The following F13A1 variants were observed in gnomAD, a reference collection of about 807,000 sequenced individuals.
The protein encoded by F13A1 is FSF, A subunit.
In F13A1, 47 loss-of-function variants were observed where a neutral mutation model predicts 80.1. The ratio of observed to expected loss-of-function variants is 0.59; its 90% CI spans 0.46 to 0.75. The LOEUF is 0.75. F13A1 is among the 30% of genes least tolerant of loss of function. The pLI, the probability that F13A1 is intolerant of heterozygous loss-of-function variation, is 0.00. For missense variants in F13A1, 817 were observed against 930.4 expected (o/e 0.88, Z 1.59); for synonymous variants, 349 against 344.9 (o/e 1.01, Z -0.13).
Position 6,195,861 on chromosome 6 carries a change from G to A in F13A1, c.1241C>T (p.Ser414Leu), listed in dbSNP as rs1396702202. 14 of 1,614,020 alleles carry A rather than the reference G, an allele frequency of 8.7e-6. No homozygotes were observed. The highest frequency in any genetic ancestry group is 5.3e-5 in the African/African-American group (4 of 74,910). ...SDGMYRCGPASVQAIKHGHVC... is the reference protein window; with the variant it reads ...SDGMYRCGPALVQAIKHGHVC... ...ATGGCCGTGCTTGATGGCTTGAACCGAGGCGGGGCCACACCGATACATGCC... is the reference window on the plus strand; with the variant it reads ...ATGGCCGTGCTTGATGGCTTGAACCAAGGCGGGGCCACACCGATACATGCC... Residue 414 changes from serine (S) to leucine (L), a missense_variant, in exon 10 of 15, where the codon TCG becomes TTG. Ser to Leu is a moderately radical substitution (Grantham distance 145). Transcript: ENST00000264870.
intron 3 of F13A1, among the ~76,000 whole-genome samples, chr6:6,297,344 C>T (rs2113168593): frequency 6.6e-6 from 1 of 151,720 alleles, no homozygotes; most frequent in Admixed American, 6.5e-5. Context: ...CCTTGTACCT[C>T]TGGTAGAATT....
chr6:6,219,837 G>A (rs1006184868), intron 8 of F13A1, among the ~76,000 whole-genome samples: 26 of 152,276 alleles, frequency 1.7e-4, no homozygotes, highest in African/African-American at 6.0e-4. Flanking sequence ...TTTTCTGACC[G>A]CTTTGATGTA....
intron 8 of F13A1, among the ~76,000 whole-genome samples, chr6:6,211,802 C>CA (rs1761617742): frequency 6.6e-6 from 1 of 152,156 alleles, no homozygotes; most frequent in African/African-American, 2.4e-5. Context: ...AGACAGTGGG[C>CA]GCAGGTTAGT....
intron 3 of F13A1, among the ~76,000 whole-genome samples, chr6:6,271,323 A>T (rs1313877647): frequency 2.0e-5 from 3 of 152,160 alleles, no homozygotes; most frequent in Non-Finnish European, 2.9e-5. Context: ...ATTTCACTAA[A>T]TAGCCCTTCT....
At chr6:6,267,266 A>G (rs1009528429) in intron 3 of F13A1, among the ~76,000 whole-genome samples, 4 of 152,252 alleles carry the variant, frequency 2.6e-5, no homozygotes, top group African/African-American at 7.2e-5. Context: ...ACACTTTGCT[A>G]TTAGGGATAT....
chr6:6,248,358 G>T lies in F13A1; in HGVS notation c.752C>A (p.Ser251Tyr), dbSNP rs751510437. The T allele has an allele frequency of 6.2e-7, 1 of 1,613,820 alleles. No homozygotes were observed. Among genetic ancestry groups the T allele is most frequent in the Non-Finnish European group, 8.5e-7 (1 of 1,179,888 alleles). Residue 251 changes from serine (S) to tyrosine (Y), a missense_variant, in exon 6 of 15, where the codon TCT (serine) becomes TAT (tyrosine). Transcript: ENST00000264870. ...GACTTTGATGGGATTCCCTCTTCCA[G>T]AGAGGTCCATTTGTGCTCTGTCCAT... ...YVMDRAQMDL[S>Y]GRGNPIKVSR...
intron 1 of F13A1, among the ~76,000 whole-genome samples, chr6:6,320,010 C>T (rs951142870): frequency 5.3e-5 from 8 of 152,142 alleles, no homozygotes; most frequent in Admixed American, 5.2e-4. Context: ...GGCGCGCTGT[C>T]GGGAGACACA....
intron 8 of F13A1, among the ~76,000 whole-genome samples, chr6:6,204,279 T>C (rs554492224): frequency 3.0e-4 from 46 of 152,374 alleles, no homozygotes; most frequent in African/African-American, 1.1e-3. Flanking sequence ...GAAAGAGATA[T>C]GGGCTTGTAA....
At chr6:6,172,160 G>T (rs1760786337) in intron 12 of F13A1, among the ~76,000 whole-genome samples, 1 of 152,130 alleles carries the variant, frequency 6.6e-6, no homozygotes, top group Non-Finnish European at 1.5e-5. Context: ...AGAACCCCGG[G>T]GTGTGTGTGC....
chr6:6,239,596 G>A (rs567971164), intron 6 of F13A1, among the ~76,000 whole-genome samples: 1 of 152,092 alleles, frequency 6.6e-6, no homozygotes, highest in South Asian at 2.1e-4. Flanking sequence ...CATTTTTCAT[G>A]ATAACTATGA....
rs141047995 is a variant in F13A1, at chr6:6,315,912, G to A, written c.130+2623C>T. On this transcript the variant is annotated intron_variant, in intron 2 of 14. Transcript: ENST00000264870. ...TTTAAAAATGAGTGTTCTTTCCAAG[G>A]TTTAGTCGCTTAGCAAATTTCGTCC... 2.8e-3 allele frequency among the ~76,000 whole-genome samples: 424 copies of A among 151,036 alleles called. 4 individuals are homozygous for A. Among genetic ancestry groups the A allele is most frequent in the African/African-American group, 9.5e-3 (392 of 41,116 alleles).
intron 8 of F13A1, among the ~76,000 whole-genome samples, chr6:6,220,112 G>A (rs1262472933): frequency 6.6e-6 from 1 of 152,166 alleles, no homozygotes; most frequent in East Asian, 1.9e-4. Flanking sequence ...GTGCTTCATG[G>A]TCTGGGCACG....
intron 8 of F13A1, among the ~76,000 whole-genome samples, chr6:6,201,609 G>T (rs571005296): frequency 6.6e-6 from 1 of 152,198 alleles, no homozygotes; most frequent in Non-Finnish European, 1.5e-5. Context: ...CCATTTGGCT[G>T]ACATTACACA....
Position 6,252,328 on chromosome 6 carries a change from C to T in F13A1, c.572-1399G>A, listed in dbSNP as rs529057016. Among the ~76,000 whole-genome samples the T allele has an allele frequency of 1.1e-4, 16 of 152,146 alleles. No individual in the cohort carries two copies. In the South Asian group the frequency reaches 3.3e-3, roughly 32 times the overall value. On this transcript the variant is annotated intron_variant, in intron 4 of 14. Coordinates refer to ENST00000264870, the MANE Select transcript of F13A1 (RefSeq NM_000129.4). ...ATTAAAGATGGTTCATTAGATAATA[C>T]CAAGGAGCTCTTGTTGATTTGTATT...
intron 6 of F13A1, among the ~76,000 whole-genome samples, chr6:6,246,554 T>A (rs1387084977): frequency 6.6e-6 from 1 of 152,246 alleles, no homozygotes; most frequent in African/African-American, 2.4e-5. Flanking sequence ...CTGTCTAGTT[T>A]TAAATCTTTT....
chr6:6,211,718 C>A (rs994026907), intron 8 of F13A1, among the ~76,000 whole-genome samples: 5 of 152,208 alleles, frequency 3.3e-5, no homozygotes, highest in Non-Finnish European at 7.3e-5. Context: ...CAGCTCCCAG[C>A]GTGAGTGACA....
At chr6:6,172,156 C>T (rs1004510647) in intron 12 of F13A1, among the ~76,000 whole-genome samples, 1 of 152,076 alleles carries the variant, frequency 6.6e-6, no homozygotes, top group Admixed American at 6.6e-5. Flanking sequence ...ATCAAGAACC[C>T]CGGGGTGTGT....
At position 6,256,325 on chromosome 6, in the gene F13A1, C is replaced by T. The variant is rs146323537; in HGVS notation, c.572-5396G>A. 7.4e-3 allele frequency among the ~76,000 whole-genome samples: 1,120 copies of T among 152,220 alleles called. 11 individuals carry two copies. The highest frequency in any genetic ancestry group is 0.026 in the African/African-American group (1,066 of 41,484). ...TAGACAGCTCCCAGAGTAGGAGCGGCTGCACCTTGGACCAACTGACAACTC... is the reference window on the plus strand; with the variant it reads ...TAGACAGCTCCCAGAGTAGGAGCGGTTGCACCTTGGACCAACTGACAACTC... On this transcript the variant is annotated intron_variant, in intron 4 of 14. Transcript: ENST00000264870.
intron 2 of F13A1, among the ~76,000 whole-genome samples, chr6:6,310,579 C>A (rs1199887601): frequency 6.6e-6 from 1 of 152,122 alleles, no homozygotes; most frequent in Non-Finnish European, 1.5e-5. Flanking sequence ...TGGAGCTAGG[C>A]TGCCTGAACC....
Sources: gnomAD v4.1 joint callset for allele counts (sites outside exome capture counted in the v4.1 genomes callset) on GRCh38, gnomAD v4.1.1 for gene constraint, MANE v1.5 for transcripts, NCBI Gene and HGNC (gene_info 2026-07-23, HGNC 2026-07-21) for gene names.